CHN2: variants seen among roughly 807,000 people sequenced by gnomAD.
CHN2 encodes chimerin 2, also known as beta-chimaerin.
A neutral mutation model predicts 56.3 loss-of-function variants in CHN2; 35 were observed. The ratio of observed to expected loss-of-function variants is 0.62; its 90% CI spans 0.47 to 0.82. The LOEUF (loss-of-function observed/expected upper bound fraction) is 0.82. Among genes scored for constraint, CHN2 ranks in the 40% least tolerant of loss-of-function variants. The pLI, the probability that CHN2 is intolerant of heterozygous loss-of-function variation, is 0.00. For synonymous variants in CHN2, 210 were observed against 212.8 expected (o/e 0.99, Z 0.12); for missense variants, 491 against 580.5 (o/e 0.85, Z 1.58).
intron 1 of CHN2, among the ~76,000 whole-genome samples, chr7:29,242,759 GAAAAAAAAAAAAA>G (rs57273690): frequency 9.5e-4 from 57 of 59,730 alleles, no homozygotes; most frequent in African/African-American, 3.8e-3. Context: ...CTTTCCTTCT[GAAAAAAAAAAAAA>G]AAAAAAAAAA....
chr7:29,216,952 G>A (rs39062), intron 1 of CHN2, among the ~76,000 whole-genome samples: 49,285 of 152,082 alleles, frequency 0.32, 8,596 homozygotes, highest in Admixed American at 0.41. Flanking sequence ...ACAGGAGCAC[G>A]GCTTTTGATC....
At chr7:29,212,339 C>A in intron 1 of CHN2, 3 of 1,475,234 alleles carry the variant, frequency 2.0e-6, no homozygotes, top group African/African-American at 1.4e-5. Context: ...GCTTGCCTTG[C>A]TTCGAAGCAT....
At chr7:29,345,511 A>G (rs1179889336) in intron 1 of CHN2, among the ~76,000 whole-genome samples, 2 of 152,108 alleles carry the variant, frequency 1.3e-5, no homozygotes, top group East Asian at 1.9e-4. Flanking sequence ...AAGAGACTGC[A>G]TGACATCCCT....
chr7:29,296,375 A>G (rs1243912633), intron 1 of CHN2, among the ~76,000 whole-genome samples: 1 of 151,884 alleles, frequency 6.6e-6, no homozygotes, highest in Non-Finnish European at 1.5e-5. Flanking sequence ...GTGAGCCACC[A>G]TGCCCAGCCG....
intron 2 of CHN2, among the ~76,000 whole-genome samples, chr7:29,172,649 C>A (rs747494234): frequency 4.6e-5 from 7 of 152,060 alleles, no homozygotes; most frequent in Non-Finnish European, 8.8e-5. Flanking sequence ...TAACAGATTC[C>A]TTTTTTTAAA....
chr7:29,324,267 A>G (rs1795624734), intron 1 of CHN2, among the ~76,000 whole-genome samples: 1 of 152,174 alleles, frequency 6.6e-6, no homozygotes, highest in Non-Finnish European at 1.5e-5. Flanking sequence ...ATGGCTGATA[A>G]TCGTTTACAC....
intron 11 of CHN2, among the ~76,000 whole-genome samples, chr7:29,508,506 G>A (rs1181122576): frequency 1.3e-5 from 2 of 151,910 alleles, no homozygotes; most frequent in Admixed American, 1.3e-4. Flanking sequence ...AGACACAAAG[G>A]CAGGCTGGGA....
chr7:29,404,966 G>T (rs1291833429), intron 6 of CHN2, among the ~76,000 whole-genome samples: 1 of 150,444 alleles, frequency 6.6e-6, no homozygotes, highest in Non-Finnish European at 1.5e-5. Context: ...AGGGAAGTGG[G>T]TGTCTGAGGG....
chr7:29,400,995 C>T (rs1344597214), intron 6 of CHN2, 167 bp downstream of exon 6: 11 of 687,776 alleles, frequency 1.6e-5, no homozygotes, highest in South Asian at 5.9e-5. Flanking sequence ...TAGCTCAGGC[C>T]GGGCGTGGTG....
At chr7:29,217,229 G>T (rs753963526) in intron 1 of CHN2, among the ~76,000 whole-genome samples, 3 of 152,198 alleles carry the variant, frequency 2.0e-5, no homozygotes, top group Admixed American at 6.5e-5. Flanking sequence ...GCTGTGCCTT[G>T]CAATGAGTAA....
intron 1 of CHN2, among the ~76,000 whole-genome samples, chr7:29,289,586 C>T (rs1300341865): frequency 6.6e-6 from 1 of 152,058 alleles, no homozygotes; most frequent in East Asian, 1.9e-4. Flanking sequence ...AGGGTGATGG[C>T]GGAAAGAAAA....
At chr7:29,380,393 G>A (rs1022075974) in intron 3 of CHN2, among the ~76,000 whole-genome samples, 2 of 152,170 alleles carry the variant, frequency 1.3e-5, no homozygotes, top group Admixed American at 6.5e-5. Context: ...GTGGGGAGGT[G>A]CTTGAGAGAA....
At chr7:29,150,547 G>A (rs1406730415) in intron 2 of CHN2, among the ~76,000 whole-genome samples, 1 of 152,218 alleles carries the variant, frequency 6.6e-6, no homozygotes, top group African/African-American at 2.4e-5. Flanking sequence ...AGAAGACACA[G>A]AGAATAGATC....
At chr7:29,462,625 A>G (rs1327848588) in intron 6 of CHN2, among the ~76,000 whole-genome samples, 1 of 152,164 alleles carries the variant, frequency 6.6e-6, no homozygotes, top group Non-Finnish European at 1.5e-5. Flanking sequence ...TCCCCCAAAC[A>G]TGGCAGCCTT....
intron 1 of CHN2, among the ~76,000 whole-genome samples, chr7:29,255,532 G>A (rs1789004286): frequency 6.6e-6 from 1 of 152,142 alleles, no homozygotes; most frequent in Admixed American, 6.5e-5. Flanking sequence ...ATATTAGTTG[G>A]GGGTTTTCTT....
At chr7:29,282,276 A>C (rs902510347) in intron 1 of CHN2, among the ~76,000 whole-genome samples, 1 of 152,208 alleles carries the variant, frequency 6.6e-6, no homozygotes, top group African/African-American at 2.4e-5. Context: ...TGTGATTGAC[A>C]CATCTCAATT....
intron 7 of CHN2, among the ~76,000 whole-genome samples, chr7:29,494,957 A>G (rs1378798742): frequency 9.2e-5 from 10 of 108,982 alleles, no homozygotes; most frequent in Non-Finnish European, 1.8e-4. Context: ...TTGTAAAAAA[A>G]AAAAAAAAAA....
intron 6 of CHN2, among the ~76,000 whole-genome samples, chr7:29,435,907 T>TC (rs1783186831): frequency 6.6e-6 from 1 of 151,576 alleles, no homozygotes; most frequent in African/African-American, 2.4e-5. Context: ...TTTTTTTTTT[T>TC]TTCTTTTTTC....
At chr7:29,212,563 A>T in intron 1 of CHN2, 1 of 1,454,990 alleles carries the variant, frequency 6.9e-7, no homozygotes, top group South Asian at 1.1e-5. Flanking sequence ...CAAAAAAGGG[A>T]GACGAGGTCC....
Sources: gnomAD v4.1 joint callset for allele counts (sites outside exome capture counted in the v4.1 genomes callset) on GRCh38, gnomAD v4.1.1 for gene constraint, MANE v1.5 for transcripts, NCBI Gene and HGNC (gene_info 2026-07-23, HGNC 2026-07-21) for gene names.